ZNF568: variants seen among roughly 807,000 people sequenced by gnomAD.
ZNF568 encodes zinc finger protein 568.
ZNF568 carries 11 observed loss-of-function variants against 18.1 expected under a neutral mutation model. That is an observed-to-expected ratio of 0.61 (90% CI 0.38 to 1.00). The LOEUF is 1.00. ZNF568 is among the 50% of genes least tolerant of loss of function. The pLI, the probability that ZNF568 is intolerant of heterozygous loss-of-function variation, is 0.01. For missense variants in ZNF568, 639 were observed against 768.2 expected (o/e 0.83, Z 1.99); for synonymous variants, 213 against 246.6 (o/e 0.86, Z 1.28).
chr19:36,935,183 A>G (rs1478711206), intron 4 of ZNF568, among the ~76,000 whole-genome samples: 1 of 147,786 alleles, frequency 6.8e-6, no homozygotes, highest in Non-Finnish European at 1.5e-5. Context: ...TGTGTTCTAT[A>G]GGTGTCTGTT....
At chr19:36,919,338 T>C (rs1359970896) in intron 2 of ZNF568, among the ~76,000 whole-genome samples, 1 of 152,128 alleles carries the variant, frequency 6.6e-6, no homozygotes, top group Non-Finnish European at 1.5e-5. Context: ...GCCATATATG[T>C]ATGGACTATA....
chr19:36,922,449 G>T (rs73039188), intron 2 of ZNF568, 137 bp from the exon 3 acceptor site: 173 of 226,270 alleles, frequency 7.6e-4, no homozygotes, highest in African/African-American at 3.7e-3. Context: ...CAGGTCAAAG[G>T]TACTCATGGT....
At position 36,939,568 on chromosome 19, in the gene ZNF568, C is replaced by G. The variant is rs1361427479; in HGVS notation, c.358+2326C>G. Among the ~76,000 whole-genome samples the G allele has an allele frequency of 2.3e-4, 26 of 111,010 alleles. No individual in the cohort carries two copies. The Admixed American group carries it at 3.3e-3, about 14-fold the overall frequency. The allele number at this position is 111,010 out of a possible 152,430, so 72.8% of individuals were successfully genotyped here. ...TTTTTTTTTTTTTTTGAGACGGAGT[C>G]TCACTCTGTCATCCAGGCTGGAGTG... On this transcript the variant is annotated intron_variant, in intron 6 of 6. Coordinates refer to ENST00000333987, the MANE Select transcript of ZNF568 (RefSeq NM_198539.4).
intron 4 of ZNF568, among the ~76,000 whole-genome samples, chr19:36,930,409 C>T (rs2073666816): frequency 6.6e-6 from 1 of 152,000 alleles, no homozygotes; most frequent in South Asian, 2.1e-4. Context: ...TGGGGTTTCA[C>T]CATGTTAGCC....
In ZNF568 at chr19:36,949,501, C is replaced by A; in HGVS notation, c.359-11C>A. Reference sequence around the variant, plus strand: ...AATTCACAAGTAATAATTTCTGGTCCTCCATTTTAGAAGTTTGGGAAGTTG... The same window carrying A: ...AATTCACAAGTAATAATTTCTGGTCATCCATTTTAGAAGTTTGGGAAGTTG... On this transcript the variant is annotated splice_polypyrimidine_tract_variant and intron_variant, in intron 6 of 6. Coordinates refer to ENST00000333987, the MANE Select transcript of ZNF568 (RefSeq NM_198539.4). The A allele has an allele frequency of 1.3e-6, 2 of 1,544,322 alleles. No homozygotes were observed. The highest frequency in any genetic ancestry group is 1.7e-6 in the Non-Finnish European group (2 of 1,151,568).
At chr19:36,977,904 C>G (rs992940076) in intron 7 of ZNF568, among the ~76,000 whole-genome samples, 1 of 152,238 alleles carries the variant, frequency 6.6e-6, no homozygotes, top group Non-Finnish European at 1.5e-5. Context: ...TGGAAATTCA[C>G]CTGCACTTAC....
chr19:36,983,310 A>G (rs920089168), downstream of ZNF568, among the ~76,000 whole-genome samples: 18 of 152,100 alleles, frequency 1.2e-4, no homozygotes, highest in Admixed American at 1.0e-3. Flanking sequence ...TCTTTTTCCC[A>G]TGGTAGGATC....
Position 36,921,318 on chromosome 19 carries a change from G to A in ZNF568, c.-185-1268G>A, listed in dbSNP as rs1475499009. Among the ~76,000 whole-genome samples the A allele has an allele frequency of 9.2e-5, 14 of 151,970 alleles. No individual in the cohort carries two copies. The East Asian group carries it at 9.6e-4, about 10-fold the overall frequency. On this transcript the variant is annotated intron_variant, in intron 2 of 6. Transcript: ENST00000333987. ...CTCTACTAAAAATACAAAATTAGCCGGGCGTGGTGGCGCATGCCTGTAATC... is the reference window on the plus strand; with the variant it reads ...CTCTACTAAAAATACAAAATTAGCCAGGCGTGGTGGCGCATGCCTGTAATC...
chr19:36,974,407 A>G (rs766203745), intron 6 of ZNF568: 443 of 1,535,840 alleles, frequency 2.9e-4, no homozygotes, highest in Non-Finnish European at 3.8e-4. Context: ...GTTTTTCCAC[A>G]TCTTTCTTTA....
chr19:36,925,912 G>A (rs2073545730), intron 4 of ZNF568, among the ~76,000 whole-genome samples: 1 of 152,036 alleles, frequency 6.6e-6, no homozygotes, highest in African/African-American at 2.4e-5. Flanking sequence ...TATCCGTGGG[G>A]GGTCCTGGAA....
intron 4 of ZNF568, among the ~76,000 whole-genome samples, chr19:36,929,218 A>T (rs936619260): frequency 1.3e-5 from 2 of 152,168 alleles, no homozygotes; most frequent in Non-Finnish European, 2.9e-5. Flanking sequence ...TTGTTATTTT[A>T]AACAATTATA....
downstream of ZNF568, among the ~76,000 whole-genome samples, chr19:36,984,644 T>G (rs1021184162): frequency 3.3e-5 from 5 of 152,134 alleles, no homozygotes; most frequent in African/African-American, 4.8e-5. Context: ...TCACTTTCCT[T>G]TAGATGGAAT....
At chr19:36,927,635 A>AT (rs910732015) in intron 4 of ZNF568, among the ~76,000 whole-genome samples, 1 of 151,136 alleles carries the variant, frequency 6.6e-6, no homozygotes, top group African/African-American at 2.4e-5. Context: ...CCACTTCTTT[A>AT]TGCACACACA....
intron 6 of ZNF568, among the ~76,000 whole-genome samples, chr19:36,972,757 C>T (rs1004981020): frequency 7.2e-5 from 11 of 152,186 alleles, no homozygotes; most frequent in Non-Finnish European, 1.3e-4. Flanking sequence ...CCTGGGTGGT[C>T]CGCTCCCTGG....
chr19:36,984,055 C>A (rs574117003), downstream of ZNF568, among the ~76,000 whole-genome samples: 1 of 151,876 alleles, frequency 6.6e-6, no homozygotes, highest in African/African-American at 2.4e-5. Context: ...CATGCCGCCA[C>A]GCCTGGCCAA....
chr19:36,944,527 C>G (rs945122106), intron 6 of ZNF568, among the ~76,000 whole-genome samples: 1 of 151,944 alleles, frequency 6.6e-6, no homozygotes. Flanking sequence ...TGTTTATTTC[C>G]TTAATTCATA....
At chr19:36,996,834 A>G (rs1443292852) in exon 5 of ZNF568, 1 of 1,543,454 alleles carries the variant, frequency 6.5e-7, no homozygotes, top group South Asian at 1.2e-5. Context: ...CCAGCTCACA[A>G]ATTAGTCAGC....
chr19:36,934,896 A>C (rs904346400), intron 4 of ZNF568, among the ~76,000 whole-genome samples: 1 of 149,816 alleles, frequency 6.7e-6, no homozygotes, highest in Admixed American at 6.7e-5. Flanking sequence ...GCCCATTGTG[A>C]TCAAGGAACA....
intron 6 of ZNF568, among the ~76,000 whole-genome samples, chr19:36,948,768 A>C (rs2074009539): frequency 7.6e-6 from 1 of 130,906 alleles, no homozygotes; most frequent in Admixed American, 8.8e-5. Flanking sequence ...AATAGCTTTT[A>C]TTTCCTTTTC....
Sources: gnomAD v4.1 joint callset for allele counts (sites outside exome capture counted in the v4.1 genomes callset) on GRCh38, gnomAD v4.1.1 for gene constraint, MANE v1.5 for transcripts, NCBI Gene and HGNC (gene_info 2026-07-23, HGNC 2026-07-21) for gene names.